TOX: variants seen among roughly 807,000 people sequenced by gnomAD.
The protein encoded by TOX is thymocyte selection associated high mobility group box, also known as thymocyte selection-associated high mobility group box protein TOX.
A neutral mutation model predicts 53.7 loss-of-function variants in TOX; 11 were observed. The ratio of observed to expected loss-of-function variants is 0.20; its 90% CI spans 0.13 to 0.34. TOX has a LOEUF of 0.34. Ranked by LOEUF, TOX falls within the 10% of genes least tolerant of loss-of-function variation. The probability of loss-of-function intolerance (pLI) is 1.00; values close to 1 mark genes in which losing one functional copy is unlikely to be tolerated. For synonymous variants in TOX, 225 were observed against 245.3 expected (o/e 0.92, Z 0.77); for missense variants, 570 against 664.6 (o/e 0.86, Z 1.56).
chr8:58,879,617 A>AT (rs1811349036), intron 3 of TOX, among the ~76,000 whole-genome samples: 1 of 152,212 alleles, frequency 6.6e-6, no homozygotes, highest in Non-Finnish European at 1.5e-5. Context: ...CATCTAATAA[A>AT]TTCTTTACTG....
chr8:58,894,355 T>TGG (rs1811605918), intron 3 of TOX, among the ~76,000 whole-genome samples: 1 of 152,188 alleles, frequency 6.6e-6, no homozygotes, highest in African/African-American at 2.4e-5. Context: ...TAATAAAAGA[T>TGG]CTTTGAAATT....
At chr8:58,964,475 C>T (rs1218284232) in intron 1 of TOX, among the ~76,000 whole-genome samples, 3 of 152,160 alleles carry the variant, frequency 2.0e-5, no homozygotes, top group Admixed American at 1.3e-4. Flanking sequence ...CGTCCAACCA[C>T]ACCCTGACCA....
At chr8:58,913,334 T>A (rs1811939167) in intron 3 of TOX, among the ~76,000 whole-genome samples, 2 of 152,144 alleles carry the variant, frequency 1.3e-5, no homozygotes, top group African/African-American at 4.8e-5. Context: ...TAAATAAAAA[T>A]AAAATAAAAT....
chr8:59,035,881 C>T (rs944419958), intron 1 of TOX, among the ~76,000 whole-genome samples: 4 of 152,204 alleles, frequency 2.6e-5, no homozygotes, highest in African/African-American at 9.6e-5. Context: ...TCTAATTGTT[C>T]ACATATGTGA....
Position 58,808,151 on chromosome 8 carries a change from G to A in TOX, c.1511C>T (p.Pro504Leu), listed in dbSNP as rs1232267643. Reference protein sequence around the residue: ...RSGCRNPPPQPVDWNNDYCSS... With the variant: ...RSGCRNPPPQLVDWNNDYCSS... ...GCAGTAGTCGTTATTCCAGTCCACCGGTTGTGGGGGAGGATTTCTGCACCC... is the reference window on the plus strand; with the variant it reads ...GCAGTAGTCGTTATTCCAGTCCACCAGTTGTGGGGGAGGATTTCTGCACCC... Residue 504 changes from proline to leucine, a missense_variant, in exon 8 of 9, where the codon CCG becomes CTG. Around this residue, in one of 3 missense-constraint regions of TOX, gnomAD observed 239 missense variants for 250.7 expected, o/e 0.95. Transcript: ENST00000361421. 2 of 1,613,840 alleles carry A rather than the reference G, an allele frequency of 1.2e-6. No homozygotes were observed. The highest frequency in any genetic ancestry group is 1.7e-5 in the Admixed American group (1 of 59,964).
intron 1 of TOX, among the ~76,000 whole-genome samples, chr8:59,054,416 T>A (rs1329875851): frequency 2.0e-5 from 3 of 152,226 alleles, no homozygotes; most frequent in African/African-American, 7.2e-5. Context: ...ACTGTTGCCT[T>A]TTATCTTGCC....
At chr8:58,933,249 T>C (rs1812287912) in intron 3 of TOX, among the ~76,000 whole-genome samples, 2 of 152,146 alleles carry the variant, frequency 1.3e-5, no homozygotes, top group African/African-American at 2.4e-5. Flanking sequence ...GATGACTTTA[T>C]ACAAGGTTGC....
chr8:58,901,260 T>C (rs1220880959), intron 3 of TOX, among the ~76,000 whole-genome samples: 1 of 152,150 alleles, frequency 6.6e-6, no homozygotes, highest in Non-Finnish European at 1.5e-5. Flanking sequence ...GACAAATAAA[T>C]GCACTTTATG....
chr8:58,885,628 C>T (rs189164103), intron 3 of TOX, among the ~76,000 whole-genome samples: 3 of 152,236 alleles, frequency 2.0e-5, no homozygotes, highest in East Asian at 3.9e-4. Flanking sequence ...ATTCACTTAT[C>T]GCCTGTTCTT....
At chr8:59,099,110 A>G (rs1440840117) in intron 1 of TOX, among the ~76,000 whole-genome samples, 7 of 152,200 alleles carry the variant, frequency 4.6e-5, no homozygotes, top group Non-Finnish European at 5.9e-5. Context: ...TGTCTGTAAT[A>G]GAGATGACAC....
At chr8:59,066,308 C>A (rs553348884) in intron 1 of TOX, among the ~76,000 whole-genome samples, 1 of 152,220 alleles carries the variant, frequency 6.6e-6, no homozygotes, top group Non-Finnish European at 1.5e-5. Flanking sequence ...GTTTGCTACA[C>A]TTGTACAAAA....
chr8:58,939,160 GTA>G (rs1248638647), intron 3 of TOX, 140 bp downstream of exon 3: 16 of 1,098,398 alleles, frequency 1.5e-5, no homozygotes, highest in Non-Finnish European at 2.0e-5. Flanking sequence ...TTAGAAATGT[GTA>G]TGATTTATAA....
intron 3 of TOX, among the ~76,000 whole-genome samples, chr8:58,922,825 C>G (rs1812094851): frequency 6.6e-6 from 1 of 152,192 alleles, no homozygotes; most frequent in Admixed American, 6.5e-5. Flanking sequence ...TTTTATAAAA[C>G]AGGGTGATGT....
intron 1 of TOX, among the ~76,000 whole-genome samples, chr8:58,986,540 G>A (rs917651687): frequency 6.6e-6 from 1 of 152,146 alleles, no homozygotes; most frequent in African/African-American, 2.4e-5. Context: ...TTTGAATTAT[G>A]TATCCTATTT....
At chr8:59,047,953 A>G (rs1313533158) in intron 1 of TOX, among the ~76,000 whole-genome samples, 1 of 152,212 alleles carries the variant, frequency 6.6e-6, no homozygotes, top group Non-Finnish European at 1.5e-5. Context: ...ATTTGGAATG[A>G]TACTCAGAAT....
chr8:58,883,464 T>A (rs983202321), intron 3 of TOX, among the ~76,000 whole-genome samples: 5 of 152,210 alleles, frequency 3.3e-5, no homozygotes, highest in African/African-American at 1.2e-4. Flanking sequence ...TAATCCAAAT[T>A]CTTAGTTTAG....
At chr8:59,041,884 T>C (rs1185451087) in intron 1 of TOX, among the ~76,000 whole-genome samples, 1 of 152,250 alleles carries the variant, frequency 6.6e-6, no homozygotes, top group African/African-American at 2.4e-5. Context: ...TTTAAAATTC[T>C]AAAATTTTCT....
At chr8:59,032,221 T>C (rs1814371377) in intron 1 of TOX, among the ~76,000 whole-genome samples, 2 of 151,556 alleles carry the variant, frequency 1.3e-5, no homozygotes, top group African/African-American at 4.8e-5. Context: ...GTAACTAGGA[T>C]GGAAATACTG....
At position 59,118,711 on chromosome 8, in the gene TOX, C is replaced by A. The variant is rs1299643078; in HGVS notation, c.102+175G>T. Among the ~76,000 whole-genome samples, 1 of 152,126 alleles carries A rather than the reference C, an allele frequency of 6.6e-6. No homozygotes were observed. The highest frequency in any genetic ancestry group is 1.9e-4 in the East Asian group (1 of 5,170). On this transcript the variant is annotated intron_variant, in intron 1 of 8. Coordinates refer to ENST00000361421, the MANE Select transcript of TOX (RefSeq NM_014729.3). This position sits in a 1 kb window ranked among gnomAD's most constrained non-coding sequence, Gnocchi z 4.1. ...ACAATCGCGGTGTTTGGCAAGCCCC[C>A]GGAGCTACTCCACAATATTTACTAC...
Sources: gnomAD v4.1 joint callset for allele counts (sites outside exome capture counted in the v4.1 genomes callset) on GRCh38, gnomAD v4.1.1 for gene constraint, gnomAD v4.1.1 regional missense constraint, Gnocchi (gnomAD v3.1) non-coding constraint, MANE v1.5 for transcripts, NCBI Gene and HGNC (gene_info 2026-07-23, HGNC 2026-07-21) for gene names.